Variants in FBH1 observed in about 807,000 individuals in gnomAD.
FBH1 encodes the protein DNA 3'-5' helicase 1.
FBH1 carries 43 observed loss-of-function variants against 115.5 expected under a neutral mutation model. The ratio of observed to expected loss-of-function variants is 0.37; its 90% CI spans 0.29 to 0.48. The LOEUF (loss-of-function observed/expected upper bound fraction) is 0.48, where lower values mean the gene tolerates loss of function less well. Among genes scored for constraint, FBH1 ranks in the 20% least tolerant of loss-of-function variants. The pLI is 0.99. For synonymous variants in FBH1, 524 were observed against 507.8 expected, an observed-to-expected ratio of 1.03 and a Z score of -0.43; for missense variants, 1,001 against 1,337.3, an observed-to-expected ratio of 0.75 and a Z score of 3.92.
chr10:5,925,510 A>T lies in FBH1; in HGVS notation c.2722+18A>T. 6.2e-7 allele frequency: 1 copy of T among 1,612,882 alleles called. No individual in the cohort carries two copies. Among genetic ancestry groups the T allele is most frequent in the Non-Finnish European group, 8.5e-7 (1 of 1,179,804 alleles). On this transcript the variant is annotated intron_variant, in intron 18 of 20. Coordinates refer to ENST00000362091, the MANE Select transcript of FBH1 (RefSeq NM_178150.3). The surrounding 1 kb of genome is among the most constrained non-coding windows in gnomAD (Gnocchi z 4.6). ...CAGAGTTGGTAAGAGGCCGCCGGGT[A>T]GTGTCAGGTGCTGCTGTATGTAGTG... is the stretch of plus-strand genomic sequence containing the variant.
At chr10:5,902,925 C>T in intron 1 of FBH1, 95 bp from the exon 2 acceptor site, 1 of 1,225,086 alleles carries the variant, frequency 8.2e-7, no homozygotes, top group South Asian at 1.9e-5. Flanking sequence ...AATCGTGTCA[C>T]TATGCAGAAA....
At chr10:5,896,769 C>T (rs1286117632) in intron 1 of FBH1, among the ~76,000 whole-genome samples, 2 of 152,038 alleles carry the variant, frequency 1.3e-5, no homozygotes. Flanking sequence ...TGTGGTCATT[C>T]ACCACAGATA....
rs1833013820 is a variant in FBH1 at position 5,932,310 on chromosome 10, T to C, written c.2830-4146T>C. 6.6e-6 allele frequency among the ~76,000 whole-genome samples: 1 copy of C among 152,268 alleles called. No individual in the cohort carries two copies. The highest frequency in any genetic ancestry group is 1.5e-5 in the Non-Finnish European group (1 of 68,050). On this transcript the variant is annotated intron_variant, in intron 19 of 20. Transcript: ENST00000362091. The surrounding 1 kb of genome is among the most constrained non-coding windows in gnomAD (Gnocchi z 5.9). ...TAGCAAATTCGTAGGTATTTTCATA[T>C]TCTCCTTTTCCACAGAAGGTAGCAT...
Position 5,894,131 on chromosome 10 carries a change from T to TTA in FBH1, c.1+3785_1+3786insTA, listed in dbSNP as rs1419805390. The TTA allele has an allele frequency of 3.0e-6, 3 of 985,292 alleles. No homozygotes were observed. The African/African-American group carries it at 5.2e-5, about 17-fold the overall frequency. 61.0% of individuals were successfully genotyped at this position (985,292 alleles called of 1,614,324 possible). A position where few individuals can be genotyped will look rare whatever the true frequency, so the allele number is the denominator to read the frequency against. On this transcript the variant is annotated intron_variant, in intron 1 of 20. Transcript: ENST00000362091. The stretch of plus-strand genomic sequence containing the variant: ...TTTGGATTTCTGGAGAAGCAGGCTG[T>TTA]GGTAGCCTGGCTCTGCGTCAGTGAA...
intron 13 of FBH1, among the ~76,000 whole-genome samples, chr10:5,919,134 GC>G (rs1185913291): frequency 3.3e-5 from 5 of 152,108 alleles, no homozygotes; most frequent in Non-Finnish European, 5.9e-5. Flanking sequence ...TCTTCTTGCT[GC>G]ATTTTTTTTT....
chr10:5,925,247 A>G lies in FBH1; in HGVS notation c.2597-120A>G. 8.0e-7 allele frequency: 1 copy of G among 1,255,268 alleles called. No individual in the cohort carries two copies. The highest frequency in any genetic ancestry group is 1.1e-6 in the Non-Finnish European group (1 of 899,522). 77.8% of individuals were successfully genotyped at this position (1,255,268 alleles called of 1,614,324 possible). A position where few individuals can be genotyped will look rare whatever the true frequency, so the allele number is the denominator to read the frequency against. ...TTTCCTCTTTCCCCCTTTTCCTACA[A>G]AACTGCACTGAGGCAAGAAATGTTC... On this transcript the variant is annotated intron_variant, in intron 17 of 20. Transcript: ENST00000362091. This position sits in a 1 kb window ranked among gnomAD's most constrained non-coding sequence, Gnocchi z 4.6.
chr10:5,893,952 T>C, intron 1 of FBH1: 1 of 981,042 alleles, frequency 1.0e-6, no homozygotes, highest in Non-Finnish European at 1.2e-6. Flanking sequence ...TCTCTTGTTT[T>C]TCAAACATTC....
At chr10:5,927,016 G>A (rs1305644131) in intron 18 of FBH1, among the ~76,000 whole-genome samples, 1 of 152,218 alleles carries the variant, frequency 6.6e-6, no homozygotes, top group African/African-American at 2.4e-5. Flanking sequence ...GGAAAGAGAC[G>A]AGCAGACTCG....
At position 5,914,077 on chromosome 10, in the gene FBH1, C is replaced by G. The variant is rs1304504781; in HGVS notation, c.1305-101C>G. 2.7e-5 allele frequency: 32 copies of G among 1,190,732 alleles called. No homozygotes were observed. The East Asian group carries it at 6.3e-4, about 24-fold the overall frequency. The allele number at this position is 1,190,732 out of a possible 1,614,324, so 73.8% of individuals were successfully genotyped here. The stretch of plus-strand genomic sequence containing the variant: ...AAGGGGAGGCCTTTTTTTTGGTCAG[C>G]TTTTGTTTATCCAGTTTGTATGTTT... On this transcript the variant is annotated intron_variant, in intron 7 of 20. Transcript: ENST00000362091. The surrounding 1 kb of genome is among the most constrained non-coding windows in gnomAD (Gnocchi z 5.2).
chr10:5,922,905 A>G (rs1832395376), intron 15 of FBH1, among the ~76,000 whole-genome samples: 1 of 152,000 alleles, frequency 6.6e-6, no homozygotes, highest in African/African-American at 2.4e-5. Context: ...TTTTTTTGAG[A>G]CAGAGTCTTG....
At chr10:5,892,426 A>G (rs1173582470) in intron 1 of FBH1, among the ~76,000 whole-genome samples, 9 of 152,200 alleles carry the variant, frequency 5.9e-5, no homozygotes, top group African/African-American at 1.9e-4. Context: ...TTTGCTGCTT[A>G]TCTCATTCCT....
At chr10:5,908,656 C>T (rs540673156) in intron 3 of FBH1, among the ~76,000 whole-genome samples, 5 of 151,526 alleles carry the variant, frequency 3.3e-5, no homozygotes, top group African/African-American at 1.2e-4. Context: ...GGCTAGCGTG[C>T]ACTGCAGTGG....
rs143001244 is a variant in FBH1 at position 5,906,393 on chromosome 10, C to T, written c.514C>T (p.Arg172Trp). The change falls in exon 3 of 21, where the codon CGG (arginine) becomes TGG (tryptophan). Residue 172 changes from arginine to tryptophan, a missense_variant. Arg to Trp is a moderately radical substitution (Grantham distance 101). Around this residue, in one of 4 missense-constraint regions of FBH1, gnomAD observed 420 missense variants for 430.4 expected, o/e 0.98. Transcript: ENST00000362091. This position sits in a 1 kb window ranked among gnomAD's most constrained non-coding sequence, Gnocchi z 7.3. The part of the protein sequence containing the change: ...ARQEAEDSTS[R>W]LSAESGETDQ... ...GCAAGAAGCAGAGGACAGTACGTCT[C>T]GGCTCTCTGCGGAGTCTGGTGAAAC... is the stretch of plus-strand genomic sequence containing the variant. 1.2e-4 allele frequency: 197 copies of T among 1,613,950 alleles called. No homozygotes were observed. The highest frequency in any genetic ancestry group is 2.5e-4 in the East Asian group (11 of 44,894).
Position 5,932,319 on chromosome 10 carries a change from T to C in FBH1, c.2830-4137T>C, listed in dbSNP as rs1440894736. 6.6e-6 allele frequency among the ~76,000 whole-genome samples: 1 copy of C among 152,262 alleles called. No individual in the cohort carries two copies. The highest frequency in any genetic ancestry group is 1.9e-4 in the East Asian group (1 of 5,204). ...CGTAGGTATTTTCATATTCTCCTTT[T>C]CCACAGAAGGTAGCATTTCAGATAC... On this transcript the variant is annotated intron_variant, in intron 19 of 20. Transcript: ENST00000362091. This position sits in a 1 kb window ranked among gnomAD's most constrained non-coding sequence, Gnocchi z 5.9.
In FBH1 at chr10:5,937,427, T is replaced by C. The variant is rs1383632941; in HGVS notation, c.*147T>C. 3.6e-6 allele frequency: 3 copies of C among 826,422 alleles called. No individual in the cohort carries two copies. Among genetic ancestry groups the C allele is most frequent in the Non-Finnish European group, 5.1e-6 (3 of 587,064 alleles). The allele number at this position is 826,422 out of a possible 1,614,324, so 51.2% of individuals were successfully genotyped here. On this transcript the variant is annotated 3_prime_UTR_variant, in exon 21 of 21. Transcript: ENST00000362091. The stretch of plus-strand genomic sequence containing the variant: ...AGAGGACACCAGCCCAAGCTGGACC[T>C]GCCATTTCTCCACTCCCTACAGACA...
rs1371671352 is a variant in FBH1, at chr10:5,897,346, A to C, written c.2-5674A>C. Among the ~76,000 whole-genome samples the C allele has an allele frequency of 1.3e-5, 2 of 152,154 alleles. No individual in the cohort carries two copies. The highest frequency in any genetic ancestry group is 2.9e-5 in the Non-Finnish European group (2 of 68,030). On this transcript the variant is annotated intron_variant, in intron 1 of 20. Coordinates refer to ENST00000362091, the MANE Select transcript of FBH1 (RefSeq NM_178150.3). The surrounding 1 kb of genome is among the most constrained non-coding windows in gnomAD (Gnocchi z 4.7). ...AGCCTCGGAGGGGCTTTAAGGGAAC[A>C]TTAAGTGTAAAGCGTGTAATTGCAG...
In FBH1 at chr10:5,910,019, C is replaced by T. The variant is rs748650310; in HGVS notation, c.1020+725C>T. On this transcript the variant is annotated intron_variant, in intron 5 of 20. Transcript: ENST00000362091. This position sits in a 1 kb window ranked among gnomAD's most constrained non-coding sequence, Gnocchi z 4.8. ...GGTAAAGGCTGGGCGTGGTGGCTCACGCCTGTTATCCCAGCACTTTGTGAG... is the reference window on the plus strand; with the variant it reads ...GGTAAAGGCTGGGCGTGGTGGCTCATGCCTGTTATCCCAGCACTTTGTGAG... 3.1e-4 allele frequency among the ~76,000 whole-genome samples: 47 copies of T among 152,168 alleles called. No individual in the cohort carries two copies. The highest frequency in any genetic ancestry group is 5.9e-4 in the Non-Finnish European group (40 of 68,028).
chr10:5,909,345 A>C lies in FBH1; in HGVS notation c.1020+51A>C. The C allele has an allele frequency of 6.3e-7, 1 of 1,576,842 alleles. No homozygotes were observed. The highest frequency in any genetic ancestry group is 8.6e-7 in the Non-Finnish European group (1 of 1,165,914). ...GCGGCATGTTATTTCACTGGAGGAA[A>C]GTGTACTGGTGATTCAGTTCAATTG... On this transcript the variant is annotated intron_variant, in intron 5 of 20. Transcript: ENST00000362091. This position sits in a 1 kb window ranked among gnomAD's most constrained non-coding sequence, Gnocchi z 4.4.
chr10:5,924,325 A>G lies in FBH1; in HGVS notation c.2413A>G (p.Lys805Glu), dbSNP rs868681230. ...EERRKQNLVI[K>E]DKFIRRWVHK... ...ATTCTTCTTAGAAAACCTCGTCATTAAAGACAAATTTATCAGAAGATGGGT... is the reference window on the plus strand; with the variant it reads ...ATTCTTCTTAGAAAACCTCGTCATTGAAGACAAATTTATCAGAAGATGGGT... Residue 805 changes from lysine to glutamate, a missense_variant, in exon 17 of 21, where the codon AAA becomes GAA. Transcript: ENST00000362091. This position sits in a 1 kb window ranked among gnomAD's most constrained non-coding sequence, Gnocchi z 6.2. The G allele has an allele frequency of 6.2e-6, 10 of 1,614,076 alleles. No individual in the cohort carries two copies. In the African/African-American group the frequency reaches 1.3e-4, roughly 22 times the overall value.
Sources: gnomAD v4.1 joint callset for allele counts (sites outside exome capture counted in the v4.1 genomes callset) on GRCh38, gnomAD v4.1.1 for gene constraint, gnomAD v4.1.1 regional missense constraint, Gnocchi (gnomAD v3.1) non-coding constraint, MANE v1.5 for transcripts, NCBI Gene and HGNC (gene_info 2026-07-23, HGNC 2026-07-21) for gene names.